The following AOAH variants were observed in gnomAD, a reference collection of about 807,000 sequenced individuals.
The protein encoded by AOAH is acyloxyacyl hydrolase, also known as acyloxyacyl hydrolase (neutrophil).
Under a neutral mutation model 92.2 loss-of-function variants are expected in AOAH, and 64 were observed. The observed-to-expected ratio is 0.69, with a 90% CI of 0.57 to 0.86. The LOEUF is 0.86. AOAH is among the 40% of genes least tolerant of loss of function. The pLI, the probability that AOAH is intolerant of heterozygous loss-of-function variation, is 0.00. For missense variants in AOAH, 656 were observed against 694.6 expected, an observed-to-expected ratio of 0.94 and a Z score of 0.62; for synonymous variants, 263 against 254.5, an observed-to-expected ratio of 1.03 and a Z score of -0.32.
intron 20 of AOAH, among the ~76,000 whole-genome samples, chr7:36,521,755 G>A (rs371012063): frequency 1.7e-3 from 262 of 150,336 alleles, no homozygotes; most frequent in Middle Eastern, 3.4e-3. Flanking sequence ...TTTTAGCATC[G>A]CACAGAGCTG....
At chr7:36,693,137 A>G (rs1474211903) in intron 1 of AOAH, among the ~76,000 whole-genome samples, 4 of 152,206 alleles carry the variant, frequency 2.6e-5, no homozygotes, top group Non-Finnish European at 5.9e-5. Context: ...GGCTTCAAGA[A>G]GTAGTCTAGA....
chr7:36,606,047 T>C (rs2115772728), intron 11 of AOAH, among the ~76,000 whole-genome samples: 1 of 152,344 alleles, frequency 6.6e-6, no homozygotes, highest in Admixed American at 6.5e-5. Flanking sequence ...ACAATAGCTT[T>C]TCTTCATCTT....
intron 13 of AOAH, among the ~76,000 whole-genome samples, chr7:36,556,085 A>G (rs1205623827): frequency 6.6e-6 from 1 of 151,848 alleles, no homozygotes; most frequent in Non-Finnish European, 1.5e-5. Context: ...TAGGGTGTCA[A>G]TTTTGGATCT....
intron 7 of AOAH, among the ~76,000 whole-genome samples, chr7:36,622,697 C>A (rs181913013): frequency 6.6e-6 from 1 of 152,312 alleles, no homozygotes; most frequent in Admixed American, 6.5e-5. Flanking sequence ...CCAGTCTGGG[C>A]CTAAGATTTA....
At chr7:36,717,309 C>A (rs1799271668) in intron 1 of AOAH, among the ~76,000 whole-genome samples, 1 of 152,128 alleles carries the variant, frequency 6.6e-6, no homozygotes, top group South Asian at 2.1e-4. Context: ...CAATACCCTG[C>A]TTCAGTGAGA....
At chr7:36,623,122 A>G (rs1435294477) in intron 7 of AOAH, 68 bp downstream of exon 7, 1 of 1,298,708 alleles carries the variant, frequency 7.7e-7, no homozygotes, top group African/African-American at 1.5e-5. Flanking sequence ...TTGTCTTATT[A>G]AAGGAAAGAA....
At chr7:36,671,655 G>GTGTGTGTGTGTGTGTGTT (rs1165566700) in intron 3 of AOAH, among the ~76,000 whole-genome samples, 225 of 151,964 alleles carry the variant, frequency 1.5e-3, no homozygotes, top group African/African-American at 5.3e-3. Context: ...GTGTTTGTGT[G>GTGTGTGTGTGTGTGTGTT]TGTGTGTGTG....
intron 11 of AOAH, among the ~76,000 whole-genome samples, chr7:36,602,249 TTTA>T (rs1267882585): frequency 6.6e-6 from 1 of 152,152 alleles, no homozygotes; most frequent in Non-Finnish European, 1.5e-5. Flanking sequence ...GCTCTTTTTA[TTTA>T]TTTATTTTTA....
intron 13 of AOAH, among the ~76,000 whole-genome samples, chr7:36,558,417 G>A (rs1562567592): frequency 6.6e-6 from 1 of 152,224 alleles, no homozygotes; most frequent in Non-Finnish European, 1.5e-5. Flanking sequence ...CTCCCAGTTA[G>A]GCTGCTCGGG....
intron 11 of AOAH, among the ~76,000 whole-genome samples, chr7:36,606,763 GA>G (rs1438150292): frequency 6.6e-6 from 1 of 151,694 alleles, no homozygotes; most frequent in Non-Finnish European, 1.5e-5. Flanking sequence ...AAGAAAAGAA[GA>G]AAAAAAACAA....
At chr7:36,644,330 GC>G (rs747959127) in intron 4 of AOAH, among the ~76,000 whole-genome samples, 7 of 151,722 alleles carry the variant, frequency 4.6e-5, no homozygotes, top group Non-Finnish European at 7.4e-5. Context: ...TAAACGGTGT[GC>G]TTTTTTTTTT....
At chr7:36,685,039 C>T (rs1796912463) in intron 2 of AOAH, among the ~76,000 whole-genome samples, 1 of 150,170 alleles carries the variant, frequency 6.7e-6, no homozygotes, top group African/African-American at 2.4e-5. Context: ...CATTTATAGG[C>T]TTGTCAAAGA....
At chr7:36,559,255 G>C (rs1480615369) in intron 13 of AOAH, among the ~76,000 whole-genome samples, 1 of 152,088 alleles carries the variant, frequency 6.6e-6, no homozygotes, top group Non-Finnish European at 1.5e-5. Context: ...TTTTCTTTTG[G>C]GTATATACCC....
At chr7:36,670,834 T>G (rs1160753895) in intron 3 of AOAH, among the ~76,000 whole-genome samples, 1 of 138,996 alleles carries the variant, frequency 7.2e-6, no homozygotes, top group Non-Finnish European at 1.5e-5. Flanking sequence ...GTTCACATGC[T>G]GTACAGTTTG....
intron 4 of AOAH, among the ~76,000 whole-genome samples, chr7:36,655,675 C>A (rs1238196013): frequency 6.6e-6 from 1 of 152,164 alleles, no homozygotes; most frequent in Non-Finnish European, 1.5e-5. Flanking sequence ...GAGGCCTTCA[C>A]ATGAGGAAAG....
chr7:36,657,854 G>A (rs566439862), intron 4 of AOAH, among the ~76,000 whole-genome samples: 1 of 152,226 alleles, frequency 6.6e-6, no homozygotes, highest in East Asian at 1.9e-4. Context: ...ATTTTAAATG[G>A]GACAATTTAA....
At chr7:36,710,645 C>T (rs1798711035) in intron 1 of AOAH, among the ~76,000 whole-genome samples, 2 of 152,174 alleles carry the variant, frequency 1.3e-5, no homozygotes, top group South Asian at 2.1e-4. Context: ...CAATTTATCA[C>T]GGAGCAATAG....
Position 36,620,784 on chromosome 7 carries a change from A to G in AOAH, c.699T>C (p.Ile233=). 1 of 1,613,824 alleles carries G rather than the reference A, an allele frequency of 6.2e-7. No homozygotes were observed. Among genetic ancestry groups the G allele is most frequent in the Non-Finnish European group, 8.5e-7 (1 of 1,179,840 alleles). Residue 233 remains isoleucine, a synonymous_variant, in exon 9 of 21, where the codon ATT becomes ATC. Transcript: ENST00000617537. ...CAAGCTGAATTTAGTTGCTTACCCA[A>G]ATGCCATTACAGTTTGAATCCTGAT... ...DVHQDSNCNG[I]WGVDPKDGVP... is the part of the protein sequence containing the mutation.
At chr7:36,594,261 C>T (rs1448049745) in intron 12 of AOAH, 78 bp downstream of exon 12, 1 of 1,170,366 alleles carries the variant, frequency 8.5e-7, no homozygotes, top group Non-Finnish European at 1.3e-6. Flanking sequence ...ATTTCAACAT[C>T]TTGGTAGCAA....
Sources: allele counts gnomAD v4.1 joint callset (sites outside exome capture counted in the v4.1 genomes callset), GRCh38; gene constraint gnomAD v4.1.1; transcripts MANE v1.5; gene names NCBI Gene and HGNC (gene_info 2026-07-23, HGNC 2026-07-21).